Variants in ZSWIM2 observed in about 807,000 individuals in gnomAD.
The protein encoded by ZSWIM2 is E3 ubiquitin-protein ligase ZSWIM2.
ZSWIM2 carries 38 observed loss-of-function variants against 48.4 expected under a neutral mutation model. That is an observed-to-expected ratio of 0.79 (90% CI 0.61 to 1.03). The LOEUF (loss-of-function observed/expected upper bound fraction) is 1.03. Among genes scored for constraint, ZSWIM2 ranks in the 50% least tolerant of loss-of-function variants. The probability of loss-of-function intolerance (pLI) is 0.00; values close to 1 mark genes in which losing one functional copy is unlikely to be tolerated. For synonymous variants in ZSWIM2, 240 were observed against 251.3 expected (o/e 0.96, Z 0.42); for missense variants, 776 against 730.2 (o/e 1.06, Z -0.72).
chr2:186,833,879 T>C (rs543910936), intron 6 of ZSWIM2, 67 bp downstream of exon 6: 2 of 1,292,196 alleles, frequency 1.5e-6, no homozygotes, highest in African/African-American at 1.5e-5. Context: ...TTCTTATTCT[T>C]ACACTGACTT....
chr2:186,833,693 G>C (rs539888797), intron 6 of ZSWIM2, among the ~76,000 whole-genome samples: 1 of 152,258 alleles, frequency 6.6e-6, no homozygotes, highest in East Asian at 1.9e-4. Flanking sequence ...TATAATTTCT[G>C]TTCTGAAAAT....
intron 3 of ZSWIM2, 103 bp downstream of exon 3, chr2:186,844,613 AC>A: frequency 8.7e-7 from 1 of 1,154,862 alleles, no homozygotes; most frequent in Non-Finnish European, 1.2e-6. Context: ...TAGAAAAGTA[AC>A]CATCTAAATT....
chr2:186,837,604 T>C (rs762649735), intron 4 of ZSWIM2, 50 bp from the exon 5 acceptor site: 1 of 997,542 alleles, frequency 1.0e-6, no homozygotes, highest in South Asian at 1.4e-5. Flanking sequence ...CAGTTTTACA[T>C]ATCCATTGTA....
At chr2:186,844,942 A>G (rs1192624298) in intron 2 of ZSWIM2, among the ~76,000 whole-genome samples, 185 bp from the exon 3 acceptor site, 1 of 151,614 alleles carries the variant, frequency 6.6e-6, no homozygotes, top group African/African-American at 2.4e-5. Context: ...TAAAATAAGC[A>G]TATGTGAAAA....
chr2:186,828,902 GAAAAA>G (rs1476029447), intron 8 of ZSWIM2, 112 bp from the exon 9 acceptor site: 1 of 643,168 alleles, frequency 1.6e-6, no homozygotes, highest in African/African-American at 1.9e-5. Context: ...TAGCAAAATT[GAAAAA>G]TAATTATTTA....
intron 7 of ZSWIM2, among the ~76,000 whole-genome samples, chr2:186,831,006 T>G (rs959231788): frequency 2.0e-5 from 3 of 152,170 alleles, no homozygotes; most frequent in Non-Finnish European, 2.9e-5. Context: ...AATTAAAATG[T>G]ATATTTTTAG....
intron 7 of ZSWIM2, 104 bp downstream of exon 7, chr2:186,833,016 A>T: frequency 2.0e-6 from 1 of 499,946 alleles, no homozygotes; most frequent in Non-Finnish European, 3.3e-6. Context: ...AGTGCTTAAT[A>T]ATAATTAAAT....
At chr2:186,834,147 C>T in intron 5 of ZSWIM2, 117 bp from the exon 6 acceptor site, 1 of 693,542 alleles carries the variant, frequency 1.4e-6, no homozygotes, top group East Asian at 2.7e-5. Flanking sequence ...ACAAGGTTCA[C>T]CTCAAGTCAC....
rs1318982802 is a variant in ZSWIM2 at position 186,833,968 on chromosome 2, G to T, written c.806C>A (p.Ser269Tyr). 3 of 1,612,918 alleles carry T rather than the reference G, an allele frequency of 1.9e-6. No homozygotes were observed. The Admixed American group carries it at 5.0e-5, about 27-fold the overall frequency. ...TACCTCACGAAATGTAAACGTGTGG[G>T]AAAGATGGCAGCAGCTATCAAAACA... The part of the protein sequence containing the change: ...QECFDSCCHL[S>Y]HTFTFREKRN... The change falls in exon 6 of 9, where the codon TCC becomes TAC. Residue 269 changes from serine (S) to tyrosine (Y), a missense_variant. Transcript: ENST00000295131.
At position 186,827,841 on chromosome 2, in the gene ZSWIM2, T is replaced by A. The variant is rs1354399291; in HGVS notation, c.*143A>T. 3 of 553,458 alleles carry A rather than the reference T, an allele frequency of 5.4e-6. No homozygotes were observed. In the African/African-American group the frequency reaches 5.7e-5, roughly 10 times the overall value. The allele number at this position is 553,458 out of a possible 1,614,324, so 34.3% of individuals were successfully genotyped here. A position where few individuals can be genotyped will look rare whatever the true frequency, so the allele number is the denominator to read the frequency against. ...AAGTAATAGAATCATTTCCTTTAAGTGTAGTGAGCTGTTTATAGGTAAGTA... is the reference window on the plus strand; with the variant it reads ...AAGTAATAGAATCATTTCCTTTAAGAGTAGTGAGCTGTTTATAGGTAAGTA... On this transcript the variant is annotated 3_prime_UTR_variant, in exon 9 of 9. Transcript: ENST00000295131.
In ZSWIM2 at chr2:186,828,189, T is replaced by G; in HGVS notation, c.1697A>C (p.Asp566Ala). 1 of 1,613,602 alleles carries G rather than the reference T, an allele frequency of 6.2e-7. No homozygotes were observed. The highest frequency in any genetic ancestry group is 1.3e-5 in the African/African-American group (1 of 75,006). Residue 566 changes from aspartate (D) to alanine (A), a missense_variant, in exon 9 of 9, where the codon GAC (aspartate) becomes GCC (alanine). Coordinates refer to ENST00000295131, the MANE Select transcript of ZSWIM2 (RefSeq NM_182521.3). ...TGGAAGTAAAGTTGATCTCTTGTTG[T>G]CCTCTCTTATTTTAGTGGCAGGAGT... ...KKTPATKIREDNKRSTLLPED... is the reference protein window; with the variant it reads ...KKTPATKIREANKRSTLLPED...
chr2:186,837,600 T>A, intron 4 of ZSWIM2, 46 bp from the exon 5 acceptor site: 1 of 1,227,696 alleles, frequency 8.1e-7, no homozygotes, highest in Non-Finnish European at 1.1e-6. Context: ...AGAGCAGTTT[T>A]ACATATCCAT....
At chr2:186,829,942 A>G (rs1160970594) in intron 7 of ZSWIM2, 62 bp from the exon 8 acceptor site, 1 of 1,545,724 alleles carries the variant, frequency 6.5e-7, no homozygotes, top group Non-Finnish European at 8.9e-7. Context: ...GAAGTGATCA[A>G]TAGCACAGGT....
chr2:186,844,887 A>C lies in ZSWIM2; in HGVS notation c.243-130T>G. 1.2e-5 allele frequency: 9 copies of C among 756,838 alleles called. No homozygotes were observed. The South Asian group carries it at 2.5e-4, about 21-fold the overall frequency. The allele number at this position is 756,838 out of a possible 1,614,324, so 46.9% of individuals were successfully genotyped here. A position where few individuals can be genotyped will look rare whatever the true frequency, so the allele number is the denominator to read the frequency against. ...TATGGAAAGTGTTATGAATAAACTTAAAAATCATCAATTTTCTGTTATAAT... is the reference window on the plus strand; with the variant it reads ...TATGGAAAGTGTTATGAATAAACTTCAAAATCATCAATTTTCTGTTATAAT... On this transcript the variant is annotated intron_variant, in intron 2 of 8. Coordinates refer to ENST00000295131, the MANE Select transcript of ZSWIM2 (RefSeq NM_182521.3).
chr2:186,830,864 A>G (rs1252937895), intron 7 of ZSWIM2, among the ~76,000 whole-genome samples: 2 of 152,174 alleles, frequency 1.3e-5, no homozygotes, highest in South Asian at 2.1e-4. Context: ...GGTCAGATGC[A>G]TTCCTATCAT....
intron 2 of ZSWIM2, among the ~76,000 whole-genome samples, chr2:186,845,314 G>A (rs1181105116): frequency 1.3e-5 from 2 of 151,008 alleles, no homozygotes; most frequent in African/African-American, 4.8e-5. Context: ...TTTACTTAAT[G>A]GTTACAATAT....
intron 3 of ZSWIM2, among the ~76,000 whole-genome samples, chr2:186,843,274 T>A (rs1574142313): frequency 6.6e-6 from 1 of 151,362 alleles, no homozygotes; most frequent in Non-Finnish European, 1.5e-5. Context: ...AATGGAGAAG[T>A]CAAAAAGAAA....
rs1451260409 is a variant in ZSWIM2, at chr2:186,828,330, T to C, written c.1556A>G (p.His519Arg). The C allele has an allele frequency of 1.9e-6, 3 of 1,613,636 alleles. No individual in the cohort carries two copies. The highest frequency in any genetic ancestry group is 2.5e-6 in the Non-Finnish European group (3 of 1,179,820). ...PSQTLLPPIVHKNIVCPTAME... is the reference protein window; with the variant it reads ...PSQTLLPPIVRKNIVCPTAME... ...TGCAGTGGGACACACAATATTCTTA[T>C]GAACAATAGGAGGAAGCAGTGTTTG... Residue 519 changes from histidine to arginine, a missense_variant, in exon 9 of 9, where the codon CAT becomes CGT. Coordinates refer to ENST00000295131, the MANE Select transcript of ZSWIM2 (RefSeq NM_182521.3).
chr2:186,844,687 AAC>A (rs199688528), intron 3 of ZSWIM2, 28 bp downstream of exon 3: 288 of 1,527,900 alleles, frequency 1.9e-4, no homozygotes, highest in African/African-American at 3.9e-4. Context: ...ATAAAAAAAA[AAC>A]ACAAAAAACC....
Sources: gnomAD v4.1 joint callset for allele counts (sites outside exome capture counted in the v4.1 genomes callset) on GRCh38, gnomAD v4.1.1 for gene constraint, MANE v1.5 for transcripts, NCBI Gene and HGNC (gene_info 2026-07-23, HGNC 2026-07-21) for gene names.